The following COL24A1 variants were observed in gnomAD, a reference collection of about 807,000 sequenced individuals.
COL24A1 encodes collagen alpha-1(XXIV) chain.
COL24A1 carries 224 observed loss-of-function variants against 253.9 expected under a neutral mutation model. The observed-to-expected ratio is 0.88, with a 90% CI of 0.79 to 0.99. COL24A1 has a LOEUF of 0.99. Among genes scored for constraint, COL24A1 ranks in the 50% least tolerant of loss-of-function variants. The pLI, the probability that COL24A1 is intolerant of heterozygous loss-of-function variation, is 0.00. For synonymous variants in COL24A1, 685 were observed against 673.7 expected, an observed-to-expected ratio of 1.02 and a Z score of -0.26; for missense variants, 2,131 against 2,068.5, an observed-to-expected ratio of 1.03 and a Z score of -0.59.
intron 24 of COL24A1, among the ~76,000 whole-genome samples, chr1:85,944,168 C>T (rs1689014476): frequency 6.6e-6 from 1 of 152,150 alleles, no homozygotes; most frequent in Non-Finnish European, 1.5e-5. Context: ...TGTCAAAAGA[C>T]TTATGTTCTC....
intron 19 of COL24A1, among the ~76,000 whole-genome samples, chr1:86,009,000 G>A (rs1380271308): frequency 6.6e-6 from 1 of 152,138 alleles, no homozygotes; most frequent in Non-Finnish European, 1.5e-5. Context: ...AACCGTTGTT[G>A]TTGAAAAGAC....
chr1:85,976,456 C>T (rs1692691280), intron 20 of COL24A1, among the ~76,000 whole-genome samples: 1 of 152,132 alleles, frequency 6.6e-6, no homozygotes, highest in Non-Finnish European at 1.5e-5. Flanking sequence ...ACCACACCCC[C>T]TCCCCCACAG....
intron 39 of COL24A1, among the ~76,000 whole-genome samples, chr1:85,844,384 C>T (rs1475432567): frequency 6.6e-6 from 1 of 151,898 alleles, no homozygotes; most frequent in Non-Finnish European, 1.5e-5. Flanking sequence ...AAAACACAAA[C>T]ATAAAAATAC....
chr1:86,131,573 C>T (rs866143185), intron 2 of COL24A1, among the ~76,000 whole-genome samples: 32 of 144,632 alleles, frequency 2.2e-4, no homozygotes, highest in African/African-American at 8.0e-4. Context: ...CATGTGTTCT[C>T]ATTGTTCAAT....
chr1:85,846,923 A>G (rs531956525), intron 39 of COL24A1, among the ~76,000 whole-genome samples: 1 of 152,156 alleles, frequency 6.6e-6, no homozygotes, highest in Non-Finnish European at 1.5e-5. Context: ...GGATTATGCA[A>G]TGATCTCTAA....
At chr1:85,997,933 G>T (rs1466864765) in intron 19 of COL24A1, among the ~76,000 whole-genome samples, 1 of 152,112 alleles carries the variant, frequency 6.6e-6, no homozygotes, top group Non-Finnish European at 1.5e-5. Context: ...TCTACAGTGT[G>T]TTCCTGTGAA....
chr1:86,050,442 G>A (rs945131394), intron 10 of COL24A1, among the ~76,000 whole-genome samples: 7 of 152,030 alleles, frequency 4.6e-5, no homozygotes, highest in Non-Finnish European at 7.4e-5. Context: ...TTTATAGCGG[G>A]CAGAAAATAT....
At chr1:85,948,523 C>CAA (rs751884453) in intron 24 of COL24A1, among the ~76,000 whole-genome samples, 7,812 of 63,494 alleles carry the variant, frequency 0.12, 590 homozygotes, top group East Asian at 0.19. Flanking sequence ...GACTCCGTCT[C>CAA]AAAAAAAAAA....
chr1:85,922,568 T>G (rs1307496801), intron 24 of COL24A1, among the ~76,000 whole-genome samples: 1 of 152,182 alleles, frequency 6.6e-6, no homozygotes, highest in Non-Finnish European at 1.5e-5. Flanking sequence ...CCAGCCAAAC[T>G]AAGCTTCATA....
At chr1:86,010,196 C>T (rs960874749) in intron 19 of COL24A1, among the ~76,000 whole-genome samples, 2 of 139,298 alleles carry the variant, frequency 1.4e-5, no homozygotes, top group African/African-American at 2.6e-5. Flanking sequence ...ATCCAAATTC[C>T]CTAAAAGACT....
At chr1:86,119,065 A>G (rs1706437595) in intron 3 of COL24A1, among the ~76,000 whole-genome samples, 2 of 152,172 alleles carry the variant, frequency 1.3e-5, no homozygotes, top group South Asian at 4.1e-4. Flanking sequence ...CATCTTTTTA[A>G]AAGAACACTA....
chr1:86,120,989 G>C (rs113167851), intron 3 of COL24A1, among the ~76,000 whole-genome samples: 1 of 152,064 alleles, frequency 6.6e-6, no homozygotes, highest in East Asian at 1.9e-4. Flanking sequence ...CATGTCCTTT[G>C]TAGGGACATG....
intron 20 of COL24A1, among the ~76,000 whole-genome samples, chr1:85,982,746 C>G (rs770784622): frequency 6.6e-6 from 1 of 152,014 alleles, no homozygotes; most frequent in African/African-American, 2.4e-5. Flanking sequence ...CAGAGAATTA[C>G]AAGTTCCTAA....
chr1:85,863,860 A>G (rs1679459099), intron 37 of COL24A1, among the ~76,000 whole-genome samples: 2 of 152,178 alleles, frequency 1.3e-5, no homozygotes, highest in Admixed American at 6.5e-5. Flanking sequence ...ACCATCTCAC[A>G]CCACTTAGAA....
chr1:85,976,248 G>A (rs761153699), intron 20 of COL24A1, among the ~76,000 whole-genome samples: 1 of 152,098 alleles, frequency 6.6e-6, no homozygotes, highest in Non-Finnish European at 1.5e-5. Flanking sequence ...TATAGCCTGG[G>A]GCAAGGTCTG....
At chr1:85,886,166 G>A (rs2102706792) in intron 32 of COL24A1, among the ~76,000 whole-genome samples, 1 of 151,872 alleles carries the variant, frequency 6.6e-6, no homozygotes, top group Middle Eastern at 3.4e-3. Flanking sequence ...TTCTGCCTCA[G>A]CCTCTCGAGT....
chr1:85,881,323 G>A (rs1172983943), intron 32 of COL24A1, among the ~76,000 whole-genome samples: 1 of 152,048 alleles, frequency 6.6e-6, no homozygotes, highest in Non-Finnish European at 1.5e-5. Flanking sequence ...GGTAAAATAC[G>A]TCTTTTAAGG....
chr1:86,070,731 C>G (rs1701818549), intron 7 of COL24A1, among the ~76,000 whole-genome samples: 1 of 151,942 alleles, frequency 6.6e-6, no homozygotes, highest in African/African-American at 2.4e-5. Context: ...ATGGTATATC[C>G]AGCAAAAATA....
intron 37 of COL24A1, among the ~76,000 whole-genome samples, chr1:85,854,444 T>G (rs1678181359): frequency 6.6e-6 from 1 of 152,222 alleles, no homozygotes; most frequent in Admixed American, 6.5e-5. Flanking sequence ...CTTTGGCTAC[T>G]TGGGCTCTTT....
Sources: allele counts gnomAD v4.1 joint callset (sites outside exome capture counted in the v4.1 genomes callset), GRCh38; gene constraint gnomAD v4.1.1; transcripts MANE v1.5; gene names NCBI Gene and HGNC (gene_info 2026-07-23, HGNC 2026-07-21).